Variants in WDPCP observed in about 807,000 individuals in gnomAD.
The protein encoded by WDPCP is WD repeat-containing and planar cell polarity effector protein fritz homolog.
Under a neutral mutation model 93.1 loss-of-function variants are expected in WDPCP, and 71 were observed. The observed-to-expected ratio is 0.76, with a 90% CI of 0.63 to 0.93. The LOEUF is 0.93. Ranked by LOEUF, WDPCP falls within the 40% of genes least tolerant of loss-of-function variation. WDPCP has a pLI of 0.00. For synonymous variants in WDPCP, 315 were observed against 315.0 expected (o/e 1.00, Z 0.00); for missense variants, 844 against 887.4 (o/e 0.95, Z 0.62).
intron 14 of WDPCP, among the ~76,000 whole-genome samples, chr2:63,191,509 A>G (rs985972138): frequency 1.1e-4 from 16 of 152,330 alleles, no homozygotes; most frequent in Admixed American, 8.5e-4. Context: ...TCCAGTGTTC[A>G]GGCTTTTTGA....
intron 2 of WDPCP, among the ~76,000 whole-genome samples, chr2:63,674,323 AC>A (rs1430591565): frequency 9.9e-5 from 15 of 152,222 alleles, no homozygotes; most frequent in Admixed American, 3.3e-4. Context: ...GGAAAATTTA[AC>A]AAACTGGTTC....
intron 2 of WDPCP, among the ~76,000 whole-genome samples, chr2:63,810,043 A>G (rs1201708014): frequency 2.6e-5 from 4 of 152,220 alleles, no homozygotes; most frequent in Non-Finnish European, 5.9e-5. Flanking sequence ...ACTCTACAAC[A>G]TTTGGCTAAT....
chr2:63,814,941 T>G (rs776126639), intron 1 of WDPCP, among the ~76,000 whole-genome samples: 3 of 152,188 alleles, frequency 2.0e-5, no homozygotes, highest in Non-Finnish European at 2.9e-5. Context: ...AGAATAAACT[T>G]CCAAATTTAT....
At chr2:63,265,114 C>CAATCT (rs907431661) in intron 13 of WDPCP, among the ~76,000 whole-genome samples, 3 of 151,876 alleles carry the variant, frequency 2.0e-5, no homozygotes, top group African/African-American at 7.3e-5. Flanking sequence ...CTCAAATAAA[C>CAATCT]AATCTAACAT....
chr2:63,811,556 C>T (rs1558916865), intron 2 of WDPCP, among the ~76,000 whole-genome samples: 3 of 151,692 alleles, frequency 2.0e-5, no homozygotes, highest in Admixed American at 6.6e-5. Flanking sequence ...AGATTATTTC[C>T]CAGTCAAGTT....
In WDPCP at chr2:63,404,393, A is replaced by G. The variant is rs2105190004; in HGVS notation, c.1090T>C (p.Tyr364His). ...LGCEDSSLIL[Y>H]ETHRRVTLLA... is the part of the protein sequence containing the mutation. ...AGAGTCACTCTACGGTGAGTTTCAT[A>G]AAGAATTAGCGAAGAATCTTCACAG... Residue 364 changes from tyrosine to histidine, a missense_variant, in exon 10 of 18, where the codon TAT becomes CAT. By Grantham distance (83) the Tyr-to-His change is moderately conservative. Coordinates refer to ENST00000272321, the MANE Select transcript of WDPCP (RefSeq NM_015910.7). 6.2e-7 allele frequency: 1 copy of G among 1,614,208 alleles called. No homozygotes were observed. The highest frequency in any genetic ancestry group is 8.5e-7 in the Non-Finnish European group (1 of 1,180,012).
Position 63,245,719 on chromosome 2 carries a change from A to T in WDPCP, c.1915+13588T>A, listed in dbSNP as rs1434921179. Among the ~76,000 whole-genome samples the T allele has an allele frequency of 2.6e-5, 4 of 152,298 alleles. No homozygotes were observed. The East Asian group carries it at 7.7e-4, about 29-fold the overall frequency. ...AAATTGAAGGGAACTGTGGATATTC[A>T]ATAAGCTGGTTGCAGAAATTTAAGG... On this transcript the variant is annotated intron_variant, in intron 14 of 17. Transcript: ENST00000272321.
chr2:63,497,010 G>C (rs1215143920), intron 1 of WDPCP, among the ~76,000 whole-genome samples: 1 of 150,834 alleles, frequency 6.6e-6, no homozygotes, highest in African/African-American at 2.4e-5. Context: ...TACTTGGGAA[G>C]CTGAGGCAGG....
At chr2:63,414,790 G>A (rs1018777323) in intron 9 of WDPCP, among the ~76,000 whole-genome samples, 2 of 152,164 alleles carry the variant, frequency 1.3e-5, no homozygotes. Context: ...CTGCTTGGGT[G>A]ATGGGTGCAC....
intron 3 of WDPCP, among the ~76,000 whole-genome samples, chr2:63,625,849 T>C (rs1373884347): frequency 6.6e-6 from 1 of 152,134 alleles, no homozygotes; most frequent in African/African-American, 2.4e-5. Context: ...TTAAATTTCA[T>C]ATGGAACCAA....
Position 63,485,119 on chromosome 2 carries a change from T to C in WDPCP, c.254-132A>G. ...GAGGAAGTGGGCTTCATTTCCATCA[T>C]CAAATGACAGCCTTATGAAAGGCTT... On this transcript the variant is annotated intron_variant, in intron 4 of 17. Transcript: ENST00000272321. The C allele has an allele frequency of 4.5e-6, 4 of 879,606 alleles. No homozygotes were observed. The South Asian group carries it at 6.0e-5, about 13-fold the overall frequency. 54.5% of individuals were successfully genotyped at this position (879,606 alleles called of 1,614,324 possible).
chr2:63,328,126 G>A (rs1302277554), intron 12 of WDPCP, among the ~76,000 whole-genome samples: 1 of 152,146 alleles, frequency 6.6e-6, no homozygotes, highest in African/African-American at 2.4e-5. Flanking sequence ...CTAAAGGATT[G>A]TAAATGCACC....
At chr2:63,521,294 T>A (rs1251668924) in intron 1 of WDPCP, among the ~76,000 whole-genome samples, 1 of 152,176 alleles carries the variant, frequency 6.6e-6, no homozygotes, top group Non-Finnish European at 1.5e-5. Context: ...CCCAATGATA[T>A]GCTGTCTTCA....
At chr2:63,231,563 G>T (rs1398271783) in intron 14 of WDPCP, among the ~76,000 whole-genome samples, 1 of 152,100 alleles carries the variant, frequency 6.6e-6, no homozygotes, top group East Asian at 1.9e-4. Flanking sequence ...CAAATCATGA[G>T]TGAACTGTCA....
intron 12 of WDPCP, chr2:63,369,469 G>T (rs1225055630): frequency 2.2e-6 from 1 of 456,592 alleles, no homozygotes; most frequent in South Asian, 1.5e-5. Flanking sequence ...CTGAATAAAA[G>T]TACCAGAGAA....
chr2:63,208,422 C>A (rs1228453296), intron 14 of WDPCP, among the ~76,000 whole-genome samples: 1 of 151,116 alleles, frequency 6.6e-6, no homozygotes, highest in Admixed American at 6.5e-5. Context: ...TTCTATTTTA[C>A]CCCTTTAATT....
rs539215152 is a variant in WDPCP at position 63,494,948 on chromosome 2, T to G, written c.76-2008A>C. On this transcript the variant is annotated intron_variant, in intron 1 of 17. Coordinates refer to ENST00000272321, the MANE Select transcript of WDPCP (RefSeq NM_015910.7). ...AAAAAAAAAAAAAAAAAAGATGGCA[T>G]GACCCAAGTATGACAGTAGATTAAA... 1.2e-3 allele frequency among the ~76,000 whole-genome samples: 183 copies of G among 147,518 alleles called. 2 individuals carry two copies. Among genetic ancestry groups the G allele is most frequent in the Middle Eastern group, 3.6e-3 (1 of 280 alleles).
At chr2:63,272,072 A>G (rs565783442) in intron 13 of WDPCP, among the ~76,000 whole-genome samples, 2 of 152,180 alleles carry the variant, frequency 1.3e-5, no homozygotes, top group Admixed American at 1.3e-4. Flanking sequence ...GTGCCCGCAT[A>G]TGTCACCTGG....
At chr2:63,588,823 TG>T, upstream of WDPCP, 1 of 531,234 alleles carries the variant, frequency 1.9e-6, no homozygotes, top group Non-Finnish European at 3.4e-6. Flanking sequence ...AAAAAACCTC[TG>T]GTATCGGGAA....
Sources: gnomAD v4.1 joint callset for allele counts (sites outside exome capture counted in the v4.1 genomes callset) on GRCh38, gnomAD v4.1.1 for gene constraint, MANE v1.5 for transcripts, NCBI Gene and HGNC (gene_info 2026-07-23, HGNC 2026-07-21) for gene names.